The following AKR1A1 variants were observed in gnomAD, a reference collection of about 807,000 sequenced individuals.
AKR1A1 encodes aldo-keto reductase family 1 member A1.
In AKR1A1, 26 loss-of-function variants were observed where a neutral mutation model predicts 39.2. The observed-to-expected ratio is 0.66, with a 90% CI of 0.49 to 0.92. The LOEUF is 0.92. Ranked by LOEUF, AKR1A1 falls within the 40% of genes least tolerant of loss-of-function variation. The pLI is 0.00. For missense variants in AKR1A1, 378 were observed against 406.5 expected (o/e 0.93, Z 0.60); for synonymous variants, 141 against 155.5 (o/e 0.91, Z 0.69).
chr1:45,556,494 T>A (rs1644205346), intron 1 of AKR1A1, among the ~76,000 whole-genome samples: 1 of 151,678 alleles, frequency 6.6e-6, no homozygotes, highest in Non-Finnish European at 1.5e-5. Context: ...GGCAAGAGAA[T>A]CACTTGAACC....
intron 1 of AKR1A1, among the ~76,000 whole-genome samples, chr1:45,556,960 C>T (rs1421778345): frequency 2.0e-5 from 3 of 151,552 alleles, no homozygotes; most frequent in African/African-American, 7.3e-5. Flanking sequence ...AAAGCTGAGA[C>T]TGGTGGATCA....
chr1:45,566,417 C>T lies in AKR1A1; in HGVS notation c.85-152C>T, dbSNP rs754244364. 331 of 1,209,498 alleles carry T rather than the reference C, an allele frequency of 2.7e-4. 4 individuals are homozygous for T. The highest frequency in any genetic ancestry group is 1.3e-4 in the Non-Finnish European group (112 of 876,632). The allele number at this position is 1,209,498 out of a possible 1,614,324, so 74.9% of individuals were successfully genotyped here. A position where few individuals can be genotyped will look rare whatever the true frequency, so the allele number is the denominator to read the frequency against. On this transcript the variant is annotated intron_variant, in intron 2 of 8. Coordinates refer to ENST00000351829, the MANE Select transcript of AKR1A1 (RefSeq NM_153326.3). ...TGCTGGGATTACAGGCGTGAGCCAC[C>T]GCGCCCAGTTCATCTTCCATCTTTT...
intron 1 of AKR1A1, chr1:45,552,649 C>G (rs895337546): frequency 1.3e-5 from 2 of 152,180 alleles, no homozygotes; most frequent in Non-Finnish European, 2.9e-5. Context: ...GGAATACAGT[C>G]TGACATGAGG....
intron 1 of AKR1A1, among the ~76,000 whole-genome samples, chr1:45,553,137 A>T (rs899959572): frequency 2.0e-5 from 3 of 147,792 alleles, no homozygotes; most frequent in Non-Finnish European, 4.5e-5. Flanking sequence ...AAAAAAATTT[A>T]AAAAGGCTGG....
At chr1:45,567,826 C>CA (rs372088222) in intron 4 of AKR1A1, 156 bp from the exon 5 acceptor site, 118,077 of 527,498 alleles carry the variant, frequency 0.22, 2,623 homozygotes, top group Non-Finnish European at 0.25. Flanking sequence ...GACTCCATCT[C>CA]AAAAAAAAAA....
intron 4 of AKR1A1, chr1:45,567,503 C>T (rs760298236): frequency 5.6e-5 from 9 of 160,608 alleles, no homozygotes; most frequent in Non-Finnish European, 1.1e-4. Context: ...AAACTTAACA[C>T]CTGGGTTACG....
intron 1 of AKR1A1, among the ~76,000 whole-genome samples, chr1:45,560,910 GT>G (rs2148296763): frequency 6.6e-6 from 1 of 152,154 alleles, no homozygotes; most frequent in Admixed American, 6.5e-5. Context: ...TGTATTTTTA[GT>G]AGAGATGGTC....
chr1:45,566,851 C>T lies in AKR1A1; in HGVS notation c.205-18C>T. 1 of 1,612,076 alleles carries T rather than the reference C, an allele frequency of 6.2e-7. No individual in the cohort carries two copies. Among genetic ancestry groups the T allele is most frequent in the East Asian group, 2.2e-5 (1 of 44,870 alleles). ...TGCTCATGGCTCTTCTCACTGTGGG[C>T]CCTGCCCCCTGCACTAGGCGGTGCC... On this transcript the variant is annotated intron_variant, in intron 3 of 8. Coordinates refer to ENST00000351829, the MANE Select transcript of AKR1A1 (RefSeq NM_153326.3).
At chr1:45,557,176 A>C (rs1195414009) in intron 1 of AKR1A1, among the ~76,000 whole-genome samples, 1 of 152,092 alleles carries the variant, frequency 6.6e-6, no homozygotes, top group African/African-American at 2.4e-5. Context: ...GGTGACAAGA[A>C]TGAAACTCTA....
At chr1:45,561,146 T>A (rs1644272480) in intron 1 of AKR1A1, among the ~76,000 whole-genome samples, 1 of 152,188 alleles carries the variant, frequency 6.6e-6, no homozygotes, top group Non-Finnish European at 1.5e-5. Context: ...TTGCCTGCCT[T>A]ACACTGGCTT....
At chr1:45,562,558 G>A (rs1268506939) in intron 2 of AKR1A1, among the ~76,000 whole-genome samples, 2 of 150,892 alleles carry the variant, frequency 1.3e-5, no homozygotes, top group Admixed American at 1.3e-4. Context: ...TCCCCAGGCT[G>A]GAGTGCAGTG....
intron 1 of AKR1A1, among the ~76,000 whole-genome samples, chr1:45,560,105 A>G (rs12081121): frequency 0.014 from 2,083 of 151,792 alleles, 40 homozygotes; most frequent in African/African-American, 0.044. Flanking sequence ...CTCCCGCCTC[A>G]GCCTCCATAG....
At chr1:45,568,377 G>T in intron 5 of AKR1A1, 108 bp from the exon 6 acceptor site, 1 of 1,321,326 alleles carries the variant, frequency 7.6e-7, no homozygotes. Context: ...CAGGCTGAAG[G>T]GGAGTGGAGG....
rs1269317508 is a variant in AKR1A1, at chr1:45,551,977, CATT to C, written c.-7+823_-7+825del. ...GTGTGTGTGGTGTGTGTATTGTGTA[CATT>C]GTATGTATGTATGTATGTATGTATG... On this transcript the variant is annotated intron_variant, in intron 1 of 8. Transcript: ENST00000351829. 2.0e-3 allele frequency among the ~76,000 whole-genome samples: 265 copies of C among 135,752 alleles called. 2 individuals are homozygous for C. Among genetic ancestry groups the C allele is most frequent in the African/African-American group, 6.6e-3 (242 of 36,502 alleles). 89.1% of individuals were successfully genotyped at this position (135,752 alleles called of 152,430 possible).
intron 1 of AKR1A1, among the ~76,000 whole-genome samples, chr1:45,555,636 G>A (rs1045911614): frequency 2.6e-5 from 4 of 152,160 alleles, no homozygotes; most frequent in African/African-American, 4.8e-5. Flanking sequence ...AGGGACTGGA[G>A]CATCCCAGGA....
chr1:45,553,236 A>G (rs1167592053), intron 1 of AKR1A1, among the ~76,000 whole-genome samples: 1 of 151,942 alleles, frequency 6.6e-6, no homozygotes, highest in Non-Finnish European at 1.5e-5. Context: ...ATCCTGGCCA[A>G]CATGGTGAAA....
intron 2 of AKR1A1, among the ~76,000 whole-genome samples, chr1:45,562,837 G>A (rs897701416): frequency 6.6e-6 from 1 of 151,926 alleles, no homozygotes; most frequent in Non-Finnish European, 1.5e-5. Flanking sequence ...GAACAAGATA[G>A]GGCCAAGTGT....
In AKR1A1 at chr1:45,567,017, TTGAG is replaced by T; in HGVS notation, c.356+2_356+5del. 1 of 1,613,678 alleles carries T rather than the reference TTGAG, an allele frequency of 6.2e-7. No homozygotes were observed. ...TACCTGATGCACTGGCCTTATGCCT[TTGAG>T]TGAGCCTTGCCAGAGCCTCATCTGG... On this transcript the variant is annotated splice_donor_variant and coding_sequence_variant, in exon 4 of 9. Coordinates refer to ENST00000351829, the MANE Select transcript of AKR1A1 (RefSeq NM_153326.3). LOFTEE classifies it high-confidence loss of function.
rs2148308162 is a variant in AKR1A1 at position 45,570,041 on chromosome 1, G to C, written c.*85G>C. ...AAAGAGGGAGTTAATAAAGCCATTG[G>C]AGCATCCATATTGCTTGCTTGTCTT... On this transcript the variant is annotated 3_prime_UTR_variant, in exon 9 of 9. Transcript: ENST00000351829. The C allele has an allele frequency of 7.4e-7, 1 of 1,357,092 alleles. No individual in the cohort carries two copies. The highest frequency in any genetic ancestry group is 1.1e-6 in the Non-Finnish European group (1 of 947,684). 84.1% of individuals were successfully genotyped at this position (1,357,092 alleles called of 1,614,324 possible).
Sources: allele counts gnomAD v4.1 joint callset (sites outside exome capture counted in the v4.1 genomes callset), GRCh38; gene constraint gnomAD v4.1.1; transcripts MANE v1.5; gene names NCBI Gene and HGNC (gene_info 2026-07-23, HGNC 2026-07-21).